AAK1: variants seen among roughly 807,000 people sequenced by gnomAD.
The protein encoded by AAK1 is AP2-associated protein kinase 1.
A neutral mutation model predicts 116.0 loss-of-function variants in AAK1; 37 were observed. The ratio of observed to expected loss-of-function variants is 0.32; its 90% confidence interval spans 0.25 to 0.42. The LOEUF is 0.42. AAK1 is among the 10% of genes least tolerant of loss of function. AAK1 has a pLI of 1.00. For missense variants in AAK1, 919 were observed against 1,170.6 expected (o/e 0.79, Z 3.14); for synonymous variants, 458 against 439.9 (o/e 1.04, Z -0.51).
rs944630624 is a variant in AAK1, at chr2:69,475,079, G to A, written c.*790C>T. On this transcript the variant is annotated 3_prime_UTR_variant, in exon 22 of 22. Transcript: ENST00000409085. ...CCACTTGGAACAGTTAACATGAAAA[G>A]GAATGGCAATACTTGGGATTTATAT... 10 of 980,048 alleles carry A rather than the reference G, an allele frequency of 1.0e-5. No individual in the cohort carries two copies. The highest frequency in any genetic ancestry group is 6.8e-5 in the Admixed American group (1 of 14,660). 60.7% of individuals were successfully genotyped at this position (980,048 alleles called of 1,614,324 possible).
chr2:69,607,043 C>T (rs572780042), intron 2 of AAK1, among the ~76,000 whole-genome samples: 1 of 128,254 alleles, frequency 7.8e-6, no homozygotes, highest in Admixed American at 7.9e-5. Context: ...TCCAGTCTTG[C>T]CTCAAAAAAA....
At chr2:69,539,273 T>C (rs6546527) in intron 5 of AAK1, among the ~76,000 whole-genome samples, 19,098 of 152,204 alleles carry the variant, frequency 0.13, 3,593 homozygotes, top group African/African-American at 0.41. Flanking sequence ...GAAAATGTTC[T>C]CTGCATTTGG....
chr2:69,531,362 C>T (rs1024197506), intron 6 of AAK1, among the ~76,000 whole-genome samples: 3 of 152,122 alleles, frequency 2.0e-5, no homozygotes, highest in African/African-American at 7.2e-5. Context: ...TCTTCTTGCC[C>T]CGGGCATGGT....
intron 2 of AAK1, chr2:69,597,295 A>G (rs1673343421): frequency 6.6e-6 from 1 of 152,376 alleles, no homozygotes; most frequent in Admixed American, 6.5e-5. Context: ...ATCAAGAGGA[A>G]GAACCTGCAG....
chr2:69,525,165 T>C, intron 9 of AAK1, 53 bp from the exon 10 acceptor site: 1 of 1,579,132 alleles, frequency 6.3e-7, no homozygotes, highest in South Asian at 1.1e-5. Flanking sequence ...ACAGATTTCT[T>C]TGTTAAAGAA....
In AAK1 at chr2:69,470,270, A is replaced by G. The variant is rs922953761; in HGVS notation, c.*5599T>C. The G allele has an allele frequency of 7.1e-6, 7 of 985,338 alleles. No homozygotes were observed. Among genetic ancestry groups the G allele is most frequent in the African/African-American group, 3.5e-5 (2 of 57,256 alleles). 61.0% of individuals were successfully genotyped at this position (985,338 alleles called of 1,614,324 possible). On this transcript the variant is annotated 3_prime_UTR_variant, in exon 22 of 22. Transcript: ENST00000409085. The stretch of plus-strand genomic sequence containing the variant: ...GAGCATTGAGAAGAAGCCTTCTCAC[A>G]TATAGTTAGTAAACAGAAAGCAAAA...
intron 2 of AAK1, among the ~76,000 whole-genome samples, chr2:69,624,083 G>A (rs1250242128): frequency 6.6e-6 from 1 of 152,084 alleles, no homozygotes; most frequent in South Asian, 2.1e-4. Flanking sequence ...GGAGCTAGAG[G>A]AGAAAGGGAG....
intron 5 of AAK1, among the ~76,000 whole-genome samples, chr2:69,534,956 G>C (rs1414104907): frequency 6.6e-6 from 1 of 152,156 alleles, no homozygotes; most frequent in Non-Finnish European, 1.5e-5. Context: ...TTAGAGAAAA[G>C]GGCACTGTGT....
rs756954937 is a variant in AAK1 at position 69,475,953 on chromosome 2, A to G, written c.2802T>C (p.Ser934=). The change falls in exon 22 of 22, where the codon TCT becomes TCC. Residue 934 remains serine (S), a synonymous_variant. Coordinates refer to ENST00000409085, the MANE Select transcript of AAK1 (RefSeq NM_014911.5). ...ACTCAGAGCTCCCACTGCTGTTTCTAGAGTGCCCACCTGGAAGTGGAGAGA... is the reference window on the plus strand; with the variant it reads ...ACTCAGAGCTCCCACTGCTGTTTCTGGAGTGCCCACCTGGAAGTGGAGAGA... ...LITKNPQGGH[S]RNSSGSSESS... 1.2e-6 allele frequency: 2 copies of G among 1,611,798 alleles called. No individual in the cohort carries two copies. The highest frequency in any genetic ancestry group is 1.3e-5 in the African/African-American group (1 of 74,886).
Position 69,468,240 on chromosome 2 carries a change from G to A in AAK1, c.*7629C>T. The A allele has an allele frequency of 1.0e-6, 1 of 985,374 alleles. No individual in the cohort carries two copies. Among genetic ancestry groups the A allele is most frequent in the Non-Finnish European group, 1.2e-6 (1 of 829,866 alleles). The allele number at this position is 985,374 out of a possible 1,614,324, so 61.0% of individuals were successfully genotyped here. ...TTCTTCCTTGCGATTTATGTGGACAGACATAATCCTAATTTCTCAGGCAAG... is the reference window on the plus strand; with the variant it reads ...TTCTTCCTTGCGATTTATGTGGACAAACATAATCCTAATTTCTCAGGCAAG... On this transcript the variant is annotated 3_prime_UTR_variant, in exon 22 of 22. Coordinates refer to ENST00000409085, the MANE Select transcript of AAK1 (RefSeq NM_014911.5).
At chr2:69,632,407 T>A (rs1212189045) in intron 2 of AAK1, among the ~76,000 whole-genome samples, 14 of 152,186 alleles carry the variant, frequency 9.2e-5, no homozygotes, top group Admixed American at 9.2e-4. Context: ...CCATGGATAC[T>A]GCTAAAGATC....
At chr2:69,590,757 T>C (rs371149793) in intron 2 of AAK1, among the ~76,000 whole-genome samples, 8 of 152,192 alleles carry the variant, frequency 5.3e-5, no homozygotes, top group African/African-American at 1.7e-4. Flanking sequence ...ATTTTCACAG[T>C]TGTAAAATGG....
intron 2 of AAK1, among the ~76,000 whole-genome samples, chr2:69,637,465 C>CA (rs1210971444): frequency 6.6e-6 from 1 of 152,170 alleles, no homozygotes; most frequent in African/African-American, 2.4e-5. Context: ...AATGAACTGA[C>CA]AAACCTTGAT....
intron 8 of AAK1, among the ~76,000 whole-genome samples, chr2:69,527,902 A>G (rs1029375865): frequency 1.3e-5 from 2 of 152,178 alleles, no homozygotes; most frequent in Admixed American, 1.3e-4. Context: ...GGGGAAAAAA[A>G]ATTATTTGAG....
At chr2:69,616,599 T>C (rs991414705) in intron 2 of AAK1, among the ~76,000 whole-genome samples, 1 of 152,146 alleles carries the variant, frequency 6.6e-6, no homozygotes, top group Non-Finnish European at 1.5e-5. Context: ...CCCCATCCCA[T>C]GCACTACAGG....
intron 2 of AAK1, among the ~76,000 whole-genome samples, chr2:69,632,925 C>T (rs563402011): frequency 3.3e-5 from 5 of 151,942 alleles, no homozygotes; most frequent in South Asian, 2.1e-4. Context: ...CCCAGCTACT[C>T]GGGAGGCTGA....
intron 8 of AAK1, among the ~76,000 whole-genome samples, chr2:69,529,492 T>G (rs1453455395): frequency 6.6e-6 from 1 of 152,206 alleles, no homozygotes; most frequent in African/African-American, 2.4e-5. Context: ...TAGTGGGGAA[T>G]CTTAAGACTA....
chr2:69,512,842 G>C (rs1310270078), intron 13 of AAK1, among the ~76,000 whole-genome samples: 1 of 152,230 alleles, frequency 6.6e-6, no homozygotes, highest in East Asian at 1.9e-4. Flanking sequence ...AACCTCATAA[G>C]AAGTGTAGTC....
intron 2 of AAK1, among the ~76,000 whole-genome samples, chr2:69,637,792 T>TACAAAAG (rs1471786643): frequency 1.3e-5 from 2 of 152,200 alleles, no homozygotes; most frequent in African/African-American, 2.4e-5. Context: ...TTGTTAATAT[T>TACAAAAG]TATCAAACCT....
Sources: allele counts gnomAD v4.1 joint callset (sites outside exome capture counted in the v4.1 genomes callset), GRCh38; gene constraint gnomAD v4.1.1; transcripts MANE v1.5; gene names NCBI Gene and HGNC (gene_info 2026-07-23, HGNC 2026-07-21).